Variants in DENND4C observed in about 807,000 individuals in gnomAD.
The protein encoded by DENND4C is DENN domain-containing protein 4C.
Under a neutral mutation model 203.0 loss-of-function variants are expected in DENND4C, and 108 were observed. The observed-to-expected ratio is 0.53, with a 90% CI of 0.46 to 0.62. DENND4C has a LOEUF of 0.62. DENND4C is among the 20% of genes least tolerant of loss of function. DENND4C has a pLI of 0.00. For missense variants in DENND4C, 2,481 were observed against 2,301.2 expected, an observed-to-expected ratio of 1.08 and a Z score of -1.60; for synonymous variants, 871 against 792.4, an observed-to-expected ratio of 1.10 and a Z score of -1.67.
At chr9:19,273,286 A>G (rs1027342633) in intron 1 of DENND4C, among the ~76,000 whole-genome samples, 1 of 151,836 alleles carries the variant, frequency 6.6e-6, no homozygotes, top group African/African-American at 2.4e-5. Context: ...GGGTTTCACC[A>G]TGTTGGCCAG....
intron 3 of DENND4C, among the ~76,000 whole-genome samples, chr9:19,287,708 T>C (rs932757194): frequency 1.3e-5 from 2 of 150,160 alleles, no homozygotes; most frequent in Non-Finnish European, 3.0e-5. Flanking sequence ...ACTCTAGGGC[T>C]CAAGAGAAAA....
chr9:19,327,562 C>G (rs1006271977), intron 15 of DENND4C, among the ~76,000 whole-genome samples: 1 of 151,870 alleles, frequency 6.6e-6, no homozygotes, highest in African/African-American at 2.4e-5. Context: ...AATATAGAAA[C>G]AGCCAACAAC....
At position 19,331,986 on chromosome 9, in the gene DENND4C, A is replaced by C. The variant is rs1464762164; in HGVS notation, c.2262A>C (p.Lys754Asn). 1.9e-6 allele frequency: 3 copies of C among 1,613,238 alleles called. No individual in the cohort carries two copies. The highest frequency in any genetic ancestry group is 2.5e-6 in the Non-Finnish European group (3 of 1,179,660). ...LMAKRTKQEI[K>N]TAHKLAKRCY... The stretch of plus-strand genomic sequence containing the variant: ...TTTTATTCTCTTTCTAGGAAATAAA[A>C]ACAGCTCATAAATTGGCGAAGAGAT... The change falls in exon 17 of 33, where the codon AAA becomes AAC. Residue 754 changes from lysine to asparagine, a missense_variant. Lys to Asn is a moderately conservative substitution (Grantham distance 94). Transcript: ENST00000434457.
At chr9:19,334,098 G>A (rs1326962913) in intron 17 of DENND4C, among the ~76,000 whole-genome samples, 2 of 152,116 alleles carry the variant, frequency 1.3e-5, no homozygotes, top group Non-Finnish European at 2.9e-5. Flanking sequence ...AGGCTAGCAT[G>A]CAGTGGCGCA....
At chr9:19,370,093 A>T (rs1416563132) in intron 31 of DENND4C, 106 bp downstream of exon 31, 1 of 1,283,944 alleles carries the variant, frequency 7.8e-7, no homozygotes, top group Non-Finnish European at 1.1e-6. Context: ...ACACATACTC[A>T]TTGCAAAACA....
At position 19,288,676 on chromosome 9, in the gene DENND4C, T is replaced by G; in HGVS notation, c.628+11T>G. ...TAGCATATAAGGCTGGTAAGTGAGT[T>G]AAAAAAAATTGTCTCAATTGCTATA... is the stretch of plus-strand genomic sequence containing the variant. On this transcript the variant is annotated intron_variant, in intron 4 of 32. Coordinates refer to ENST00000434457, the MANE Select transcript of DENND4C (RefSeq NM_001330640.2). 2 of 1,228,502 alleles carry G rather than the reference T, an allele frequency of 1.6e-6. No homozygotes were observed. Among genetic ancestry groups the G allele is most frequent in the Non-Finnish European group, 2.0e-6 (2 of 984,986 alleles). 76.1% of individuals were successfully genotyped at this position (1,228,502 alleles called of 1,614,324 possible). A position where few individuals can be genotyped will look rare whatever the true frequency, so the allele number is the denominator to read the frequency against.
At chr9:19,348,651 CAAAAT>C (rs1306035069) in intron 23 of DENND4C, among the ~76,000 whole-genome samples, 1 of 151,750 alleles carries the variant, frequency 6.6e-6, no homozygotes, top group Non-Finnish European at 1.5e-5. Flanking sequence ...ACTTTATAGA[CAAAAT>C]AATAATTGAA....
chr9:19,363,319 G>T (rs950113122), intron 30 of DENND4C, among the ~76,000 whole-genome samples: 1 of 151,968 alleles, frequency 6.6e-6, no homozygotes, highest in Non-Finnish European at 1.5e-5. Context: ...TTCAAGACCA[G>T]CATGGCCAAG....
chr9:19,363,463 G>A (rs1216926336), intron 30 of DENND4C, among the ~76,000 whole-genome samples: 2 of 151,588 alleles, frequency 1.3e-5, no homozygotes, highest in Non-Finnish European at 2.9e-5. Flanking sequence ...AGTGAGCCAA[G>A]ATCACTCCAG....
At position 19,373,942 on chromosome 9, in the gene DENND4C, A is replaced by T. The variant is rs186165493; in HGVS notation, c.*1769A>T. Reference sequence around the variant, plus strand: ...ATTTATTGTGAAAATGCTAAATGAAACAATTTGTCAGAAATTATGTACAAT... The same window carrying T: ...ATTTATTGTGAAAATGCTAAATGAATCAATTTGTCAGAAATTATGTACAAT... On this transcript the variant is annotated 3_prime_UTR_variant, in exon 33 of 33. Transcript: ENST00000434457. Among the ~76,000 whole-genome samples, 43 of 152,328 alleles carry T rather than the reference A, an allele frequency of 2.8e-4. No individual in the cohort carries two copies. Among genetic ancestry groups the T allele is most frequent in the African/African-American group, 9.9e-4 (41 of 41,584 alleles).
At chr9:19,261,093 C>T (rs932682325) in intron 1 of DENND4C, among the ~76,000 whole-genome samples, 3 of 151,946 alleles carry the variant, frequency 2.0e-5, no homozygotes, top group African/African-American at 7.3e-5. Flanking sequence ...ATCTAGTTTT[C>T]CCAGCAATAT....
chr9:19,319,776 T>G (rs1045181542), intron 12 of DENND4C, among the ~76,000 whole-genome samples: 1 of 152,106 alleles, frequency 6.6e-6, no homozygotes, highest in African/African-American at 2.4e-5. Context: ...ACTAACTATC[T>G]TAATAAGTGT....
At chr9:19,371,994 TTTC>T (rs1365176735) in intron 32 of DENND4C, 40 bp from the exon 33 acceptor site, 2 of 1,588,632 alleles carry the variant, frequency 1.3e-6, no homozygotes, top group South Asian at 1.1e-5. Flanking sequence ...GGCTGTTGTC[TTTC>T]TTAACAAATT....
At chr9:19,240,370 G>T (rs192762547) in intron 1 of DENND4C, among the ~76,000 whole-genome samples, 61 of 152,150 alleles carry the variant, frequency 4.0e-4, no homozygotes, top group Admixed American at 2.3e-3. Flanking sequence ...TAAAAATACG[G>T]TATAAAAGGG....
Position 19,360,251 on chromosome 9 carries a change from T to C in DENND4C, c.5168T>C (p.Leu1723Ser), listed in dbSNP as rs1306066211. Residue 1723 changes from leucine to serine, a missense_variant, in exon 29 of 33, where the codon TTA becomes TCA. Physicochemically the swap from Leu to Ser is moderately radical, Grantham distance 145. Around this residue, in one of 3 missense-constraint regions of DENND4C, gnomAD observed 2,289 missense variants for 2,113.3 expected, o/e 1.08. Coordinates refer to ENST00000434457, the MANE Select transcript of DENND4C (RefSeq NM_001330640.2). ...PNSLQEVVDPLGKRPNPPPVS... is the reference protein window; with the variant it reads ...PNSLQEVVDPSGKRPNPPPVS... ...TTTTGTATTTTTTTTAAGGATCCTT[T>C]AGGAAAAAGACCCAATCCTCCCCCT... The C allele has an allele frequency of 1.2e-6, 2 of 1,611,546 alleles. No individual in the cohort carries two copies. The highest frequency in any genetic ancestry group is 3.4e-5 in the Admixed American group (2 of 59,328).
chr9:19,346,984 G>A lies in DENND4C; in HGVS notation c.4215G>A (p.Gly1405=), dbSNP rs1310879746. 4.3e-6 allele frequency: 7 copies of A among 1,613,994 alleles called. No individual in the cohort carries two copies. In the African/African-American group the frequency reaches 5.3e-5, roughly 12 times the overall value. ...SGLKLDNILS[G]PKIDVLKSGM... Reference sequence around the variant, plus strand: ...TAAAGCTGGATAATATACTCTCAGGGCCCAAGATAGATGTCCTGAAATCTG... The same window carrying A: ...TAAAGCTGGATAATATACTCTCAGGACCCAAGATAGATGTCCTGAAATCTG... Residue 1405 remains glycine (G), a synonymous_variant, in exon 23 of 33, where the codon GGG becomes GGA. Transcript: ENST00000434457.
At chr9:19,295,983 A>G (rs761423448) in intron 5 of DENND4C, 25 bp from the exon 6 acceptor site, 63 of 1,516,700 alleles carry the variant, frequency 4.2e-5, no homozygotes, top group Admixed American at 5.8e-5. Context: ...CTCAAATCTT[A>G]TAACAGAATT....
rs1206405702 is a variant in DENND4C at position 19,332,061 on chromosome 9, C to G, written c.2337C>G (p.Tyr779Ter). Residue 779 changes from tyrosine to a stop codon, truncating the protein, a stop_gained, in exon 17 of 33, where the codon TAC becomes TAG. Coordinates refer to ENST00000434457, the MANE Select transcript of DENND4C (RefSeq NM_001330640.2). LOFTEE classifies it high-confidence loss of function. ...QWAKCLFSHC[Y>*]SLWFICLPAY... ...CCAAGTGTCTGTTTAGTCATTGTTA[C>G]AGTTTATGGTTTATTTGTCTTCCGG... 1 of 1,613,888 alleles carries G rather than the reference C, an allele frequency of 6.2e-7. No homozygotes were observed. Among genetic ancestry groups the G allele is most frequent in the Non-Finnish European group, 8.5e-7 (1 of 1,179,982 alleles).
At chr9:19,236,903 A>G (rs574082121) in intron 1 of DENND4C, among the ~76,000 whole-genome samples, 1 of 152,280 alleles carries the variant, frequency 6.6e-6, no homozygotes, top group African/African-American at 2.4e-5. Flanking sequence ...CACATTGTCT[A>G]GTTAGGGAGA....
Sources: gnomAD v4.1 joint callset for allele counts (sites outside exome capture counted in the v4.1 genomes callset) on GRCh38, gnomAD v4.1.1 for gene constraint, gnomAD v4.1.1 regional missense constraint, MANE v1.5 for transcripts, NCBI Gene and HGNC (gene_info 2026-07-23, HGNC 2026-07-21) for gene names.